The following SERPINB12 variants were observed in gnomAD, a reference collection of about 807,000 sequenced individuals.
SERPINB12 encodes the protein serpin family B member 12.
SERPINB12 carries 57 observed loss-of-function variants against 41.1 expected under a neutral mutation model. That is an observed-to-expected ratio of 1.39 (90% confidence interval 1.12 to 1.73). The LOEUF is 1.73. Ranked by LOEUF, SERPINB12 falls within the 40% of genes most tolerant of loss-of-function variation. The pLI, the probability that SERPINB12 is intolerant of heterozygous loss-of-function variation, is 0.00. For missense variants in SERPINB12, 536 were observed against 501.9 expected (o/e 1.07, Z -0.65); for synonymous variants, 180 against 181.3 (o/e 0.99, Z 0.06).
chr18:63,560,987 A>C, intron 4 of SERPINB12, 98 bp from the exon 5 acceptor site: 1 of 770,200 alleles, frequency 1.3e-6, no homozygotes, highest in Non-Finnish European at 2.2e-6. Context: ...GACCAGGCTC[A>C]TCTTTCTTGG....
At chr18:63,558,779 G>A (rs763519975) in intron 3 of SERPINB12, among the ~76,000 whole-genome samples, 25 of 152,152 alleles carry the variant, frequency 1.6e-4, no homozygotes, top group Non-Finnish European at 3.4e-4. Flanking sequence ...ACAGAGTATG[G>A]TCAAAGATAA....
chr18:63,532,646 G>C, the SERPINB12 span, among the ~76,000 whole-genome samples: 1 of 152,164 alleles, frequency 6.6e-6, no homozygotes, highest in East Asian at 1.9e-4. Context: ...AGAGCAGGTT[G>C]TTTGAGATTA....
At chr18:63,522,004 T>C in the SERPINB12 span, among the ~76,000 whole-genome samples, 10 of 152,348 alleles carry the variant, frequency 6.6e-5, no homozygotes, top group Admixed American at 4.6e-4. Flanking sequence ...ATGAAAAGCG[T>C]ATTATAGCTA....
chr18:63,526,279 C>G, the SERPINB12 span, among the ~76,000 whole-genome samples: 28 of 152,122 alleles, frequency 1.8e-4, no homozygotes, highest in African/African-American at 6.5e-4. Context: ...GATTCCCTAG[C>G]TTCCTTTTTA....
At chr18:63,524,289 TTC>T in the SERPINB12 span, among the ~76,000 whole-genome samples, 2 of 152,144 alleles carry the variant, frequency 1.3e-5, no homozygotes, top group African/African-American at 4.8e-5. Flanking sequence ...CAAAATTTCT[TTC>T]TTTCTTTTTT....
chr18:63,564,056 A>G lies in SERPINB12; in HGVS notation c.641A>G (p.Lys214Arg), dbSNP rs775761104. The change falls in exon 6 of 8, where the codon AAG becomes AGG. Residue 214 changes from lysine (K) to arginine (R), a missense_variant. By Grantham distance (26) the Lys-to-Arg change is conservative. Transcript: ENST00000382768. ...VLVLVNAVYF[K>R]AKWETYFDHE... The stretch of plus-strand genomic sequence containing the variant: ...GTACTGGTGAATGCTGTTTACTTCA[A>G]GGCCAAATGGGAAACATACTTTGAC... The G allele has an allele frequency of 6.8e-6, 11 of 1,614,148 alleles. No individual in the cohort carries two copies. Among genetic ancestry groups the G allele is most frequent in the African/African-American group, 1.3e-5 (1 of 75,046 alleles).
At position 63,564,071 on chromosome 18, in the gene SERPINB12, C is replaced by T; in HGVS notation, c.656C>T (p.Thr219Ile). The change falls in exon 6 of 8, where the codon ACA becomes ATA. Residue 219 changes from threonine to isoleucine, a missense_variant. Coordinates refer to ENST00000382768, the MANE Select transcript of SERPINB12 (RefSeq NM_001307928.2). ...GTTTACTTCAAGGCCAAATGGGAAA[C>T]ATACTTTGACCATGAAAACACGGTG... Reference protein sequence around the residue: ...NAVYFKAKWETYFDHENTVDA... With the variant: ...NAVYFKAKWEIYFDHENTVDA... The T allele has an allele frequency of 1.2e-6, 2 of 1,614,060 alleles. No homozygotes were observed. Among genetic ancestry groups the T allele is most frequent in the Non-Finnish European group, 1.7e-6 (2 of 1,179,972 alleles).
At chr18:63,555,082 T>C (rs1268274266) in intron 1 of SERPINB12, among the ~76,000 whole-genome samples, 1 of 152,188 alleles carries the variant, frequency 6.6e-6, no homozygotes, top group Non-Finnish European at 1.5e-5. Context: ...TTAAAACTCT[T>C]TCCTTTATAA....
At chr18:63,556,070 A>G (rs924241347) in intron 1 of SERPINB12, 72 bp from the exon 2 acceptor site, 61 of 1,114,176 alleles carry the variant, frequency 5.5e-5, no homozygotes, top group Non-Finnish European at 7.5e-5. Context: ...TCAGGTATGT[A>G]AAATAAAATT....
At chr18:63,565,697 G>A (rs1010997635) in intron 7 of SERPINB12, 85 bp downstream of exon 7, 1 of 1,146,668 alleles carries the variant, frequency 8.7e-7, no homozygotes, top group Non-Finnish European at 1.2e-6. Flanking sequence ...CCATCTCGAG[G>A]AAATTCAGTA....
chr18:63,559,582 G>C lies in SERPINB12; in HGVS notation c.308G>C (p.Gly103Ala). The change falls in exon 4 of 8, where the codon GGG becomes GCG. Residue 103 changes from glycine (G) to alanine (A), a missense_variant. Gly to Ala is a moderately conservative substitution (Grantham distance 60). Transcript: ENST00000382768. ...KTTEPLDQQA[G>A]SLNNESGLVS... ...TTTTGTTTCTTCTTTCCTTAGGCTG[G>C]GTCCTTAAACAATGAGAGCGGACTG... is the stretch of plus-strand genomic sequence containing the variant. 2.5e-6 allele frequency: 4 copies of C among 1,613,842 alleles called. No individual in the cohort carries two copies. The highest frequency in any genetic ancestry group is 3.4e-6 in the Non-Finnish European group (4 of 1,179,900).
Position 63,564,101 on chromosome 18 carries a change from C to T in SERPINB12, c.686C>T (p.Ala229Val), listed in dbSNP as rs1911013268. The T allele has an allele frequency of 1.2e-6, 2 of 1,613,320 alleles. No individual in the cohort carries two copies. The highest frequency in any genetic ancestry group is 1.3e-5 in the African/African-American group (1 of 74,840). The change falls in exon 6 of 8, where the codon GCA (alanine) becomes GTA (valine). Residue 229 changes from alanine to valine, a missense_variant. Coordinates refer to ENST00000382768, the MANE Select transcript of SERPINB12 (RefSeq NM_001307928.2). ...TYFDHENTVD[A>V]PFCLNANENK... ...TTTGACCATGAAAACACGGTGGATGCACCTTTCTGTCTAAATGCGGTAGTG... is the reference window on the plus strand; with the variant it reads ...TTTGACCATGAAAACACGGTGGATGTACCTTTCTGTCTAAATGCGGTAGTG...
intron 1 of SERPINB12, among the ~76,000 whole-genome samples, chr18:63,550,207 T>C (rs1910488361): frequency 1.3e-5 from 2 of 152,202 alleles, no homozygotes; most frequent in Non-Finnish European, 2.9e-5. Context: ...GTAAATTGCA[T>C]ACAAGTTTTT....
At chr18:63,530,666 C>T in the SERPINB12 span, among the ~76,000 whole-genome samples, 2 of 152,130 alleles carry the variant, frequency 1.3e-5, no homozygotes, top group African/African-American at 4.8e-5. Context: ...CATAATCAGG[C>T]CGTGAGTACT....
chr18:63,561,015 T>C (rs9676250), intron 4 of SERPINB12, 70 bp from the exon 5 acceptor site: 685,086 of 968,698 alleles, frequency 0.71, 244,968 homozygotes, highest in Non-Finnish European at 0.74. Context: ...CTCAGGAGAG[T>C]CTCACTCCTA....
At chr18:63,561,559 A>G (rs1179330431) in intron 5 of SERPINB12, among the ~76,000 whole-genome samples, 1 of 152,242 alleles carries the variant, frequency 6.6e-6, no homozygotes, top group Non-Finnish European at 1.5e-5. Context: ...AAAGAAATAG[A>G]GATCATTCTA....
intron 5 of SERPINB12, among the ~76,000 whole-genome samples, chr18:63,563,433 A>T (rs1910980199): frequency 1.3e-5 from 2 of 152,194 alleles, no homozygotes; most frequent in African/African-American, 2.4e-5. Context: ...ATCAAAGGAG[A>T]TTCCTTCTGT....
chr18:63,563,864 C>T (rs1339255528), intron 5 of SERPINB12, 114 bp from the exon 6 acceptor site: 2 of 1,025,958 alleles, frequency 1.9e-6, no homozygotes, highest in Non-Finnish European at 2.8e-6. Context: ...CCATTGCACT[C>T]CAGCCTGGGA....
At chr18:63,531,523 C>T in the SERPINB12 span, among the ~76,000 whole-genome samples, 1 of 152,108 alleles carries the variant, frequency 6.6e-6, no homozygotes, top group East Asian at 1.9e-4. Context: ...GTTCAGAGAC[C>T]TCAGCAAGTC....
Sources: allele counts gnomAD v4.1 joint callset (sites outside exome capture counted in the v4.1 genomes callset), GRCh38; gene constraint gnomAD v4.1.1; transcripts MANE v1.5; gene names NCBI Gene and HGNC (gene_info 2026-07-23, HGNC 2026-07-21).